The following PRKCH variants were observed in gnomAD, a reference collection of about 807,000 sequenced individuals.
The protein encoded by PRKCH is protein kinase C eta.
PRKCH carries 28 observed loss-of-function variants against 82.5 expected under a neutral mutation model. The observed-to-expected ratio is 0.34, with a 90% CI of 0.25 to 0.47. The LOEUF (loss-of-function observed/expected upper bound fraction) is 0.47. Among genes scored for constraint, PRKCH ranks in the 20% least tolerant of loss-of-function variants. The probability of loss-of-function intolerance (pLI) is 1.00; values close to 1 mark genes in which losing one functional copy is unlikely to be tolerated. For missense variants in PRKCH, 705 were observed against 881.8 expected (o/e 0.80, Z 2.54); for synonymous variants, 322 against 327.4 (o/e 0.98, Z 0.18).
At chr14:61,207,342 T>C (rs1286929499) in intron 1 of PRKCH, among the ~76,000 whole-genome samples, 1 of 152,128 alleles carries the variant, frequency 6.6e-6, no homozygotes, top group African/African-American at 2.4e-5. Flanking sequence ...TTCCTGTCCC[T>C]GCTCTGGTTT....
rs557694849 is a variant in PRKCH, at chr14:61,497,671, T to C, written c.1433+12015T>C. ...CCCCCATAGGCACCCAGTGATTCTG[T>C]GTTGATATTATAGGCTGTGGATATC... On this transcript the variant is annotated intron_variant, in intron 10 of 13. Coordinates refer to ENST00000332981, the MANE Select transcript of PRKCH (RefSeq NM_006255.5). Among the ~76,000 whole-genome samples, 7 of 152,308 alleles carry C rather than the reference T, an allele frequency of 4.6e-5. No homozygotes were observed. In the East Asian group the frequency reaches 1.3e-3, roughly 29 times the overall value.
Position 61,449,892 on chromosome 14 carries a change from CTCTCTCTCTGTGTG to C in PRKCH, c.702+642_702+655del, listed in dbSNP as rs1474343925. On this transcript the variant is annotated intron_variant, in intron 5 of 13. Coordinates refer to ENST00000332981, the MANE Select transcript of PRKCH (RefSeq NM_006255.5). ...TCTCTCTCTCTCTCTCTCTCTCTCT[CTCTCTCTCTGTGTG>C]TGTGTGTGTGTGTGTGTATGTGTAT... Among the ~76,000 whole-genome samples, 10 of 24,828 alleles carry C rather than the reference CTCTCTCTCTGTGTG, an allele frequency of 4.0e-4. No individual in the cohort carries two copies. In the East Asian group the frequency reaches 7.9e-3, roughly 20 times the overall value. 16.3% of individuals were successfully genotyped at this position (24,828 alleles called of 152,430 possible). A position where few individuals can be genotyped will look rare whatever the true frequency, so the allele number is the denominator to read the frequency against.
intron 9 of PRKCH, among the ~76,000 whole-genome samples, chr14:61,475,112 G>T (rs1885672716): frequency 6.6e-6 from 1 of 152,156 alleles, no homozygotes; most frequent in African/African-American, 2.4e-5. Context: ...ACACAGTTTA[G>T]GGATCTCCAT....
chr14:61,459,451 A>G (rs1409939893), intron 9 of PRKCH, among the ~76,000 whole-genome samples: 2 of 152,218 alleles, frequency 1.3e-5, no homozygotes, highest in Non-Finnish European at 2.9e-5. Flanking sequence ...CTCAGCACAC[A>G]CAGCATATCG....
chr14:61,452,913 T>G (rs1884579351), intron 6 of PRKCH: 1 of 349,842 alleles, frequency 2.9e-6, no homozygotes, highest in South Asian at 3.3e-5. Context: ...GGTTTTAATC[T>G]TAGATCATAC....
chr14:61,407,110 A>C (rs1442793363), intron 2 of PRKCH, among the ~76,000 whole-genome samples: 2 of 152,158 alleles, frequency 1.3e-5, no homozygotes, highest in Non-Finnish European at 2.9e-5. Context: ...GGGTAGTTTT[A>C]AGCAAGGAGG....
At chr14:61,354,404 T>TTGTGTGTGTGTG (rs3028729) in intron 1 of PRKCH, among the ~76,000 whole-genome samples, 13 of 148,342 alleles carry the variant, frequency 8.8e-5, no homozygotes, top group African/African-American at 2.0e-4. Flanking sequence ...CTGTTTCTAT[T>TTGTGTGTGTGTG]TGTGTGTGTG....
chr14:61,221,553 T>C (rs75919581), intron 1 of PRKCH, among the ~76,000 whole-genome samples: 1,976 of 152,166 alleles, frequency 0.013, 32 homozygotes, highest in African/African-American at 0.045. Context: ...GATGGGGGCA[T>C]ATTAAAGTGA....
At chr14:61,398,274 AT>A (rs2046813996) in intron 2 of PRKCH, among the ~76,000 whole-genome samples, 1 of 152,168 alleles carries the variant, frequency 6.6e-6, no homozygotes, top group Admixed American at 6.5e-5. Context: ...TGTTGGACTA[AT>A]TTTTGTCTGG....
chr14:61,202,932 G>C (rs72725845), intron 1 of PRKCH, among the ~76,000 whole-genome samples: 5,325 of 152,062 alleles, frequency 0.035, 159 homozygotes, highest in Non-Finnish European at 0.049. Context: ...CATCCTATGG[G>C]TTTTGACAAA....
intron 9 of PRKCH, among the ~76,000 whole-genome samples, chr14:61,471,593 C>T (rs1031522343): frequency 5.9e-5 from 9 of 151,866 alleles, no homozygotes; most frequent in Admixed American, 6.6e-5. Context: ...AGAACTTTGC[C>T]GTCACCTTCT....
intron 12 of PRKCH, chr14:61,543,698 G>T (rs17098753): frequency 6.6e-6 from 1 of 152,144 alleles, no homozygotes; most frequent in Non-Finnish European, 1.5e-5. Context: ...GAAAGTGATG[G>T]CCCCGAGGAG....
At chr14:61,308,779 C>CCTGGG (rs1395374225) in intron 1 of PRKCH, among the ~76,000 whole-genome samples, 3 of 149,632 alleles carry the variant, frequency 2.0e-5, no homozygotes, top group African/African-American at 7.7e-5. Context: ...CAGGCATTTG[C>CCTGGG]CACCACACTG....
chr14:61,260,493 G>A (rs2045036523), intron 1 of PRKCH, among the ~76,000 whole-genome samples: 1 of 152,132 alleles, frequency 6.6e-6, no homozygotes, highest in Admixed American at 6.5e-5. Flanking sequence ...GGAAGCTGAG[G>A]CTAGCAGATT....
intron 1 of PRKCH, chr14:61,390,932 C>G (rs185831697): frequency 3.5e-6 from 1 of 286,612 alleles, no homozygotes; most frequent in African/African-American, 2.3e-5. Flanking sequence ...ATGGAGGTCT[C>G]AAAAACAATT....
At chr14:61,295,622 C>G (rs1314859649) in intron 1 of PRKCH, among the ~76,000 whole-genome samples, 1 of 152,190 alleles carries the variant, frequency 6.6e-6, no homozygotes, top group African/African-American at 2.4e-5. Context: ...CAAAGTAAAG[C>G]CTAGTAAGTG....
intron 1 of PRKCH, among the ~76,000 whole-genome samples, chr14:61,248,381 G>A (rs1162602922): frequency 1.3e-5 from 2 of 152,118 alleles, no homozygotes; most frequent in Non-Finnish European, 2.9e-5. Flanking sequence ...TCATTAGTCA[G>A]AAAAAGGATG....
intron 1 of PRKCH, among the ~76,000 whole-genome samples, chr14:61,288,038 A>C (rs957509978): frequency 2.6e-5 from 4 of 152,238 alleles, no homozygotes; most frequent in Admixed American, 6.5e-5. Context: ...ATCAGATTTT[A>C]AAATTGAATA....
intron 1 of PRKCH, among the ~76,000 whole-genome samples, chr14:61,375,543 G>A (rs777713871): frequency 1.3e-5 from 2 of 152,000 alleles, no homozygotes; most frequent in African/African-American, 2.4e-5. Flanking sequence ...TCTGCAGGCT[G>A]TACAACAGCA....
Sources: gnomAD v4.1 joint callset for allele counts (sites outside exome capture counted in the v4.1 genomes callset) on GRCh38, gnomAD v4.1.1 for gene constraint, MANE v1.5 for transcripts, NCBI Gene and HGNC (gene_info 2026-07-23, HGNC 2026-07-21) for gene names.